Variants in RIF1 observed in about 807,000 individuals in gnomAD.
RIF1 encodes the protein telomere-associated protein RIF1.
A neutral mutation model predicts 247.1 loss-of-function variants in RIF1; 45 were observed. That is an observed-to-expected ratio of 0.18 (90% CI 0.14 to 0.23). The LOEUF (loss-of-function observed/expected upper bound fraction) is 0.23. Among genes scored for constraint, RIF1 ranks in the 10% least tolerant of loss-of-function variants. The probability of loss-of-function intolerance (pLI) is 1.00; values close to 1 mark genes in which losing one functional copy is unlikely to be tolerated. For missense variants in RIF1, 2,967 were observed against 2,862.5 expected (o/e 1.04, Z -0.83); for synonymous variants, 1,087 against 978.8 (o/e 1.11, Z -2.06).
chr2:151,410,669 G>A, intron 2 of RIF1, 142 bp downstream of exon 2: 2 of 688,426 alleles, frequency 2.9e-6, no homozygotes. Context: ...GACGCCTTGG[G>A]GGGCGGGGGA....
At chr2:151,507,947 T>C in exon 14 of RIF1, 1 of 1,247,798 alleles carries the variant, frequency 8.0e-7, no homozygotes, top group Non-Finnish European at 1.2e-6. Context: ...TCCAGAGGCA[T>C]CTTCCTCAGC....
chr2:151,503,627 T>C (rs554493195), intron 12 of RIF1, among the ~76,000 whole-genome samples: 1 of 149,654 alleles, frequency 6.7e-6, no homozygotes, highest in Admixed American at 6.7e-5. Flanking sequence ...TAAAAATTTT[T>C]ACTACTTTGA....
At chr2:151,453,459 C>T (rs981128458) in intron 21 of RIF1, among the ~76,000 whole-genome samples, 4 of 151,748 alleles carry the variant, frequency 2.6e-5, no homozygotes, top group African/African-American at 9.7e-5. Flanking sequence ...CGCCTGTAGT[C>T]CCAGCTACTT....
At chr2:151,429,855 A>G (rs1689757983) in intron 9 of RIF1, among the ~76,000 whole-genome samples, 1 of 152,200 alleles carries the variant, frequency 6.6e-6, no homozygotes. Flanking sequence ...TGAGTACTTA[A>G]CTAGGTGGTA....
intron 20 of RIF1, among the ~76,000 whole-genome samples, chr2:151,448,981 G>T (rs1244356257): frequency 1.3e-5 from 2 of 152,194 alleles, no homozygotes; most frequent in African/African-American, 4.8e-5. Flanking sequence ...GCTTGGCTTT[G>T]ATAAGGGTGA....
chr2:151,438,869 C>A (rs2152354998), intron 14 of RIF1, 123 bp downstream of exon 14: 1 of 607,450 alleles, frequency 1.6e-6, no homozygotes, highest in Non-Finnish European at 2.9e-6. Flanking sequence ...TCTTGCACTA[C>A]CGTAGCTTCC....
intron 30 of RIF1, 121 bp from the exon 31 acceptor site, chr2:151,467,879 C>CGG: frequency 1.2e-6 from 1 of 856,390 alleles, no homozygotes; most frequent in Admixed American, 2.7e-5. Flanking sequence ...CAGCTGACTT[C>CGG]TGGTGAAATA....
chr2:151,494,426 G>GAC (rs752983457), intron 9 of RIF1, among the ~76,000 whole-genome samples: 7 of 152,118 alleles, frequency 4.6e-5, no homozygotes, highest in Non-Finnish European at 8.8e-5. Flanking sequence ...GTTACAGCAA[G>GAC]ACACAACCAG....
At chr2:151,503,081 A>C in exon 12 of RIF1, 1 of 583,636 alleles carries the variant, frequency 1.7e-6, no homozygotes, top group Non-Finnish European at 3.0e-6. Flanking sequence ...GAAAAAGTAC[A>C]ATGGAAAGCA....
At chr2:151,436,556 A>G (rs1573980546) in intron 11 of RIF1, among the ~76,000 whole-genome samples, 1 of 152,194 alleles carries the variant, frequency 6.6e-6, no homozygotes, top group East Asian at 1.9e-4. Context: ...AAAAAAAAAA[A>G]AAAATCTCAG....
chr2:151,516,496 T>G, the RIF1 span: 20 of 1,613,422 alleles, frequency 1.2e-5, no homozygotes, highest in African/African-American at 5.3e-5. Context: ...GGCAGTGATG[T>G]ACGTTGGTGT....
chr2:151,454,981 A>G lies in RIF1; in HGVS notation c.2431A>G (p.Ile811Val), dbSNP rs1349184093. 3.1e-6 allele frequency: 5 copies of G among 1,613,676 alleles called. No homozygotes were observed. The Admixed American group carries it at 8.3e-5, about 27-fold the overall frequency. The change falls in exon 22 of 36, where the codon ATC (isoleucine) becomes GTC (valine). Residue 811 changes from isoleucine (I) to valine (V), a missense_variant. By Grantham distance (29) the Ile-to-Val change is conservative. Coordinates refer to ENST00000444746, the MANE Select transcript of RIF1 (RefSeq NM_018151.5). The stretch of plus-strand genomic sequence containing the variant: ...TTTATTTAAACTTATTGTGAAAGTG[A>G]TCTATTCTTTCCACACACTGAGCTT... ...TSLFKLIVKV[I>V]YSFHTLSFKE...
intron 9 of RIF1, among the ~76,000 whole-genome samples, chr2:151,489,604 C>A (rs6718653): frequency 0.38 from 58,052 of 151,860 alleles, 11,189 homozygotes; most frequent in Non-Finnish European, 0.42. Flanking sequence ...ACTATGTTGC[C>A]TAGGCTGGTC....
Position 151,503,395 on chromosome 2 carries a change from G to T in RIF1, c.*861+210G>T, listed in dbSNP as rs760905651. ...GCGTTTGACTCTCTCAATCTCTGGAGTCACAGTGGTTGGAATGCCTGTTCC... is the reference window on the plus strand; with the variant it reads ...GCGTTTGACTCTCTCAATCTCTGGATTCACAGTGGTTGGAATGCCTGTTCC... On this transcript the variant is annotated intron_variant and NMD_transcript_variant, in intron 12 of 13. Coordinates refer to the RIF1 transcript ENST00000454583. 19 of 1,612,766 alleles carry T rather than the reference G, an allele frequency of 1.2e-5. No homozygotes were observed. The highest frequency in any genetic ancestry group is 8.3e-5 in the Admixed American group (5 of 59,974).
chr2:151,461,817 A>G (rs1479336075), intron 27 of RIF1, among the ~76,000 whole-genome samples: 1 of 152,132 alleles, frequency 6.6e-6, no homozygotes, highest in Non-Finnish European at 1.5e-5. Context: ...GGAAATACGC[A>G]TTTAGGTCAT....
Position 151,433,108 on chromosome 2 carries a change from G to A in RIF1, c.957G>A (p.Leu319=). Residue 319 remains leucine, a synonymous_variant, in exon 10 of 36, where the codon TTG becomes TTA. Coordinates refer to ENST00000444746, the MANE Select transcript of RIF1 (RefSeq NM_018151.5). ...TATGTAGTGCAAAAAGACTCAAGTTGTTAATGCAGCCTTTGAGTTCCATCC... is the reference window on the plus strand; with the variant it reads ...TATGTAGTGCAAAAAGACTCAAGTTATTAATGCAGCCTTTGAGTTCCATCC... ...DILCSAKRLK[L]LMQPLSSIHV... 2 of 1,613,470 alleles carry A rather than the reference G, an allele frequency of 1.2e-6. No homozygotes were observed. The highest frequency in any genetic ancestry group is 1.7e-6 in the Non-Finnish European group (2 of 1,179,538).
chr2:151,504,890 A>G (rs1030874619), intron 12 of RIF1, among the ~76,000 whole-genome samples: 2 of 152,030 alleles, frequency 1.3e-5, no homozygotes, highest in Non-Finnish European at 2.9e-5. Context: ...TGTATAATAT[A>G]CCATTGTAGG....
chr2:151,460,729 C>T (rs1246942417), intron 26 of RIF1, among the ~76,000 whole-genome samples: 1 of 152,184 alleles, frequency 6.6e-6, no homozygotes, highest in African/African-American at 2.4e-5. Context: ...TTCCAATGAA[C>T]ATTTATTAAG....
chr2:151,440,236 C>G, intron 15 of RIF1, 109 bp downstream of exon 15: 5 of 670,452 alleles, frequency 7.5e-6, no homozygotes, highest in South Asian at 5.1e-5. Flanking sequence ...TTATATCAAG[C>G]ATTCATCAGC....
Sources: gnomAD v4.1 joint callset for allele counts (sites outside exome capture counted in the v4.1 genomes callset) on GRCh38, gnomAD v4.1.1 for gene constraint, MANE v1.5 for transcripts, NCBI Gene and HGNC (gene_info 2026-07-23, HGNC 2026-07-21) for gene names.